Variants in FAM13B observed in about 807,000 individuals in gnomAD.
The protein encoded by FAM13B is protein FAM13B.
A neutral mutation model predicts 117.3 loss-of-function variants in FAM13B; 60 were observed. The observed-to-expected ratio is 0.51, with a 90% CI of 0.42 to 0.63. The LOEUF (loss-of-function observed/expected upper bound fraction) is 0.63. Ranked by LOEUF, FAM13B falls within the 30% of genes least tolerant of loss-of-function variation. FAM13B has a pLI of 0.00. For missense variants in FAM13B, 972 were observed against 1,091.9 expected (o/e 0.89, Z 1.55); for synonymous variants, 332 against 356.1 (o/e 0.93, Z 0.76).
At chr5:137,998,169 C>T (rs1475004098) in intron 7 of FAM13B, among the ~76,000 whole-genome samples, 1 of 152,206 alleles carries the variant, frequency 6.6e-6, no homozygotes, top group African/African-American at 2.4e-5. Flanking sequence ...ATTCATGAAT[C>T]CTTTAATGCT....
chr5:137,990,245 T>C (rs958792073), intron 7 of FAM13B, among the ~76,000 whole-genome samples: 1 of 152,088 alleles, frequency 6.6e-6, no homozygotes, highest in Non-Finnish European at 1.5e-5. Context: ...CGAGAAATAT[T>C]CATTTTATTT....
At chr5:137,986,485 G>C (rs988143393) in intron 9 of FAM13B, among the ~76,000 whole-genome samples, 3 of 148,868 alleles carry the variant, frequency 2.0e-5, no homozygotes, top group African/African-American at 7.5e-5. Flanking sequence ...CACGGTCTCT[G>C]AGGGAGGCAC....
intron 17 of FAM13B, among the ~76,000 whole-genome samples, chr5:137,951,233 A>AAT (rs1457502693): frequency 2.7e-5 from 4 of 147,128 alleles, no homozygotes; most frequent in East Asian, 3.9e-4. Context: ...AAAAAAAAAA[A>AAT]GGAGAGAGAG....
intron 7 of FAM13B, among the ~76,000 whole-genome samples, chr5:138,000,757 C>T (rs1781021983): frequency 6.6e-6 from 1 of 151,882 alleles, no homozygotes; most frequent in African/African-American, 2.4e-5. Flanking sequence ...ATGGTGAAAC[C>T]CCATCCCTAT....
At chr5:138,018,572 A>G in intron 3 of FAM13B, 58 bp from the exon 4 acceptor site, 1 of 1,451,532 alleles carries the variant, frequency 6.9e-7, no homozygotes, top group Non-Finnish European at 9.6e-7. Context: ...TTGACCATAT[A>G]TATTCATTCT....
At chr5:137,991,186 C>T (rs989292299) in intron 7 of FAM13B, among the ~76,000 whole-genome samples, 2 of 152,152 alleles carry the variant, frequency 1.3e-5, no homozygotes, top group Non-Finnish European at 1.5e-5. Context: ...CTATAATTAA[C>T]ATTTTACTAT....
rs775659112 is a variant in FAM13B, at chr5:137,943,051, C to A, written c.2425-13G>T. On this transcript the variant is annotated splice_polypyrimidine_tract_variant and intron_variant, in intron 21 of 23. Coordinates refer to ENST00000689681, the MANE Select transcript of FAM13B (RefSeq NM_001385994.1). The stretch of plus-strand genomic sequence containing the variant: ...CTTCTTCTTCCTCCTAAAAAGATAT[C>A]CAAACAGAGAATCAAACATGCCTTG... 6.2e-7 allele frequency: 1 copy of A among 1,612,520 alleles called. No individual in the cohort carries two copies.
At chr5:138,026,391 C>T (rs999663506) in intron 1 of FAM13B, among the ~76,000 whole-genome samples, 7 of 151,914 alleles carry the variant, frequency 4.6e-5, no homozygotes, top group Non-Finnish European at 7.4e-5. Context: ...TTTGGGAGGC[C>T]GAGGTGGGCA....
At chr5:138,039,002 C>A (rs1581327371) in intron 1 of FAM13B, among the ~76,000 whole-genome samples, 1 of 152,164 alleles carries the variant, frequency 6.6e-6, no homozygotes, top group Non-Finnish European at 1.5e-5. Context: ...CAGTCACATC[C>A]AGTTTGGAGA....
chr5:137,959,581 A>G, intron 13 of FAM13B, 35 bp downstream of exon 13: 1 of 1,611,592 alleles, frequency 6.2e-7, no homozygotes, highest in Non-Finnish European at 8.5e-7. Flanking sequence ...TACAAGTAAC[A>G]TTATCAGGAA....
intron 1 of FAM13B, among the ~76,000 whole-genome samples, chr5:138,026,373 C>G (rs1163222788): frequency 2.0e-5 from 3 of 152,118 alleles, no homozygotes; most frequent in Non-Finnish European, 2.9e-5. Context: ...CACCCGTAAT[C>G]CCAGCTCTTT....
At position 137,939,908 on chromosome 5, in the gene FAM13B, G is replaced by A. The variant is rs1761138570; in HGVS notation, c.*317C>T. On this transcript the variant is annotated 3_prime_UTR_variant, in exon 24 of 24. Transcript: ENST00000689681. ...ATAACAAAAAGCTTGCATTTCCAAA[G>A]TTCTTGAAGTTGAAAGGATAAAATT... 1 of 1,325,192 alleles carries A rather than the reference G, an allele frequency of 7.5e-7. No homozygotes were observed. The highest frequency in any genetic ancestry group is 9.6e-7 in the Non-Finnish European group (1 of 1,037,578). 82.1% of individuals were successfully genotyped at this position (1,325,192 alleles called of 1,614,324 possible).
At chr5:138,001,545 T>A (rs1781260701) in intron 7 of FAM13B, among the ~76,000 whole-genome samples, 1 of 152,244 alleles carries the variant, frequency 6.6e-6, no homozygotes, top group African/African-American at 2.4e-5. Context: ...AGTAATACTT[T>A]ACTGAGTGCC....
At chr5:138,039,867 T>A (rs1791426972) in intron 1 of FAM13B, 1 of 152,182 alleles carries the variant, frequency 6.6e-6, no homozygotes, top group Non-Finnish European at 1.5e-5. Flanking sequence ...CACTAGAGTA[T>A]ATAACAATTT....
chr5:137,983,314 C>G (rs1235416488), intron 10 of FAM13B, among the ~76,000 whole-genome samples: 1 of 150,260 alleles, frequency 6.7e-6, no homozygotes, highest in African/African-American at 2.5e-5. Context: ...GTAAAACATT[C>G]AACAGACATC....
chr5:138,047,995 G>T (rs1204517662), intron 1 of FAM13B, among the ~76,000 whole-genome samples: 1 of 152,046 alleles, frequency 6.6e-6, no homozygotes, highest in Non-Finnish European at 1.5e-5. Context: ...TTACAGAAAA[G>T]TTGCAAAAGA....
intron 1 of FAM13B, among the ~76,000 whole-genome samples, chr5:138,046,145 G>T (rs1581334066): frequency 6.6e-6 from 1 of 152,144 alleles, no homozygotes; most frequent in Non-Finnish European, 1.5e-5. Flanking sequence ...GAGTTTCTCT[G>T]CACAAGCTCT....
intron 20 of FAM13B, among the ~76,000 whole-genome samples, chr5:137,944,008 A>G (rs1762660149): frequency 6.6e-6 from 1 of 152,204 alleles, no homozygotes; most frequent in Non-Finnish European, 1.5e-5. Flanking sequence ...CTCTGTGCCC[A>G]TTAGCTGTTA....
chr5:137,959,982 T>C (rs757267501), intron 12 of FAM13B, among the ~76,000 whole-genome samples, 184 bp downstream of exon 12: 16 of 152,186 alleles, frequency 1.1e-4, no homozygotes, highest in Non-Finnish European at 1.6e-4. Flanking sequence ...TTCAGGAAAG[T>C]GTTTTCACAA....
Sources: allele counts gnomAD v4.1 joint callset (sites outside exome capture counted in the v4.1 genomes callset), GRCh38; gene constraint gnomAD v4.1.1; transcripts MANE v1.5; gene names NCBI Gene and HGNC (gene_info 2026-07-23, HGNC 2026-07-21).